ODF1: variants seen among roughly 807,000 people sequenced by gnomAD.
ODF1 encodes the protein outer dense fiber protein 1.
ODF1 carries 10 observed loss-of-function variants against 24.0 expected under a neutral mutation model. The ratio of observed to expected loss-of-function variants is 0.42; its 90% CI spans 0.26 to 0.71. The LOEUF is 0.71. ODF1 is among the 30% of genes least tolerant of loss of function. The probability of loss-of-function intolerance (pLI) is 0.28; values close to 1 mark genes in which losing one functional copy is unlikely to be tolerated. For missense variants in ODF1, 282 were observed against 307.9 expected, an observed-to-expected ratio of 0.92 and a Z score of 0.63; for synonymous variants, 118 against 121.3, an observed-to-expected ratio of 0.97 and a Z score of 0.18.
intron 1 of ODF1, among the ~76,000 whole-genome samples, chr8:102,555,894 T>C (rs1356504711): frequency 6.6e-6 from 1 of 152,162 alleles, no homozygotes; most frequent in African/African-American, 2.4e-5. Flanking sequence ...ACATCCATAG[T>C]TCTCAGAGCT....
At chr8:102,555,971 G>T in intron 1 of ODF1, among the ~76,000 whole-genome samples, 1 of 152,212 alleles carries the variant, frequency 6.6e-6, no homozygotes, top group East Asian at 1.9e-4. Context: ...GGTATGATTT[G>T]GTTTGACCTT....
intron 1 of ODF1, among the ~76,000 whole-genome samples, chr8:102,552,739 T>C (rs1195292233): frequency 1.3e-5 from 2 of 152,152 alleles, no homozygotes; most frequent in Non-Finnish European, 2.9e-5. Flanking sequence ...AAAATTTTTG[T>C]TTTAGATTAT....
At chr8:102,553,814 G>A (rs1195774701) in intron 1 of ODF1, among the ~76,000 whole-genome samples, 1 of 152,226 alleles carries the variant, frequency 6.6e-6, no homozygotes, top group Non-Finnish European at 1.5e-5. Flanking sequence ...TCTCGGCAGT[G>A]TAGTTTAGGC....
At chr8:102,557,956 C>T (rs561494729) in intron 1 of ODF1, among the ~76,000 whole-genome samples, 2 of 152,314 alleles carry the variant, frequency 1.3e-5, no homozygotes, top group African/African-American at 4.8e-5. Flanking sequence ...GGGCTGGTTC[C>T]CTGAATCTTT....
intron 1 of ODF1, among the ~76,000 whole-genome samples, chr8:102,558,640 C>A (rs1413849168): frequency 6.6e-6 from 1 of 152,016 alleles, no homozygotes; most frequent in African/African-American, 2.4e-5. Flanking sequence ...AAACTGTTAT[C>A]TAATCATGTT....
chr8:102,560,505 T>C lies in ODF1; in HGVS notation c.374T>C (p.Ile125Thr). 6.2e-7 allele frequency: 1 copy of C among 1,614,130 alleles called. No individual in the cohort carries two copies. Among genetic ancestry groups the C allele is most frequent in the South Asian group, 1.1e-5 (1 of 91,086 alleles). Residue 125 changes from isoleucine to threonine, a missense_variant, in exon 2 of 2, where the codon ATT becomes ACT. By Grantham distance (89) the Ile-to-Thr change is moderately conservative. Coordinates refer to ENST00000285402, the MANE Select transcript of ODF1 (RefSeq NM_024410.4). ...ILASSCCSSNILGSVNVCGFE... is the reference protein window; with the variant it reads ...ILASSCCSSNTLGSVNVCGFE... ...GCTTCCTCCTGCTGTAGCAGTAACA[T>C]TTTAGGATCGGTGAATGTATGCGGT...
At chr8:102,552,084 T>C in intron 1 of ODF1, 37 bp downstream of exon 1, 1 of 1,455,856 alleles carries the variant, frequency 6.9e-7, no homozygotes, top group South Asian at 1.4e-5. Context: ...ATAGTCGGTA[T>C]ATTAGCCTTA....
intron 1 of ODF1, among the ~76,000 whole-genome samples, chr8:102,553,374 CAAAA>C (rs55997419): frequency 1.5e-4 from 16 of 108,424 alleles, no homozygotes; most frequent in African/African-American, 2.0e-4. Context: ...GAGACTGTCT[CAAAA>C]AAAAAAAAAA....
At chr8:102,555,244 C>T (rs1826098882) in intron 1 of ODF1, among the ~76,000 whole-genome samples, 1 of 152,214 alleles carries the variant, frequency 6.6e-6, no homozygotes, top group Non-Finnish European at 1.5e-5. Flanking sequence ...TTCACCACCA[C>T]ATTTCATGGG....
chr8:102,558,858 G>A lies in ODF1; in HGVS notation c.321-1594G>A, dbSNP rs538886982. Among the ~76,000 whole-genome samples the A allele has an allele frequency of 6.6e-5, 10 of 151,368 alleles. No individual in the cohort carries two copies. The South Asian group carries it at 1.5e-3, about 22-fold the overall frequency. ...TAGGTATTTTTAAAATAGTCCATATGTTTACTTATCTGTATTTTGAGTCTT... is the reference window on the plus strand; with the variant it reads ...TAGGTATTTTTAAAATAGTCCATATATTTACTTATCTGTATTTTGAGTCTT... On this transcript the variant is annotated intron_variant, in intron 1 of 1. Transcript: ENST00000285402.
At chr8:102,559,326 T>C (rs1392554705) in intron 1 of ODF1, among the ~76,000 whole-genome samples, 1 of 151,608 alleles carries the variant, frequency 6.6e-6, no homozygotes, top group Non-Finnish European at 1.5e-5. Context: ...TCAATTAGTG[T>C]GAGCTGCTGT....
intron 1 of ODF1, among the ~76,000 whole-genome samples, chr8:102,556,438 GTT>G (rs1826113169): frequency 2.0e-4 from 7 of 35,536 alleles, no homozygotes; most frequent in African/African-American, 1.4e-3. Flanking sequence ...TTGTTGTTTT[GTT>G]TTGTTTTGTT....
At chr8:102,554,762 G>A (rs1244847469) in intron 1 of ODF1, among the ~76,000 whole-genome samples, 1 of 152,124 alleles carries the variant, frequency 6.6e-6, no homozygotes, top group Non-Finnish European at 1.5e-5. Context: ...GGACCAGCCT[G>A]AGCAACACAG....
chr8:102,560,029 T>C (rs922003532), intron 1 of ODF1, among the ~76,000 whole-genome samples: 1 of 151,478 alleles, frequency 6.6e-6, no homozygotes, highest in Non-Finnish European at 1.5e-5. Flanking sequence ...CGAAGCACAG[T>C]GCTAAGTAAA....
intron 1 of ODF1, among the ~76,000 whole-genome samples, chr8:102,559,816 C>A (rs1826155659): frequency 6.6e-6 from 1 of 151,518 alleles, no homozygotes; most frequent in South Asian, 2.1e-4. Context: ...TAGCACCTGT[C>A]CCATGAACCA....
chr8:102,559,088 A>G (rs1008855154), intron 1 of ODF1, among the ~76,000 whole-genome samples: 4 of 150,728 alleles, frequency 2.7e-5, no homozygotes, highest in Non-Finnish European at 5.9e-5. Context: ...TTAACATCCT[A>G]TGTGCCAAGT....
At position 102,558,343 on chromosome 8, in the gene ODF1, A is replaced by G. The variant is rs140815913; in HGVS notation, c.321-2109A>G. Among the ~76,000 whole-genome samples the G allele has an allele frequency of 1.2e-3, 185 of 152,238 alleles. No individual in the cohort carries two copies. The East Asian group carries it at 0.027, about 22-fold the overall frequency. ...GTGGCGGGCACCTGTACTCCCAGCT[A>G]CTCAGGAGGCTGAGGCAGGAGAATG... On this transcript the variant is annotated intron_variant, in intron 1 of 1. Transcript: ENST00000285402.
At position 102,551,726 on chromosome 8, in the gene ODF1, T is replaced by A; in HGVS notation, c.-2T>A. 3 of 1,582,070 alleles carry A rather than the reference T, an allele frequency of 1.9e-6. No homozygotes were observed. The highest frequency in any genetic ancestry group is 2.6e-6 in the Non-Finnish European group (3 of 1,158,768). On this transcript the variant is annotated 5_prime_UTR_variant, in exon 1 of 2. Transcript: ENST00000285402. Reference sequence around the variant, plus strand: ...CTCACAGAACAATCAGGTGTGACCATAATGGCTGCACTGAGTTGTCTCTTG... The same window carrying A: ...CTCACAGAACAATCAGGTGTGACCAAAATGGCTGCACTGAGTTGTCTCTTG...
chr8:102,552,834 T>C (rs1826059261), intron 1 of ODF1, among the ~76,000 whole-genome samples: 1 of 152,172 alleles, frequency 6.6e-6, no homozygotes, highest in Non-Finnish European at 1.5e-5. Context: ...AAAAAGATGG[T>C]TGAAAGTGCT....
Sources: gnomAD v4.1 joint callset for allele counts (sites outside exome capture counted in the v4.1 genomes callset) on GRCh38, gnomAD v4.1.1 for gene constraint, MANE v1.5 for transcripts, NCBI Gene and HGNC (gene_info 2026-07-23, HGNC 2026-07-21) for gene names.